FMN1: variants seen among roughly 807,000 people sequenced by gnomAD.
The protein encoded by FMN1 is formin 1, also known as formin-1.
FMN1 carries 110 observed loss-of-function variants against 132.4 expected under a neutral mutation model. The observed-to-expected ratio is 0.83, with a 90% CI of 0.71 to 0.97. The LOEUF is 0.97. Ranked by LOEUF, FMN1 falls within the 50% of genes least tolerant of loss-of-function variation. The probability of loss-of-function intolerance (pLI) is 0.00; values close to 1 mark genes in which losing one functional copy is unlikely to be tolerated. For missense variants in FMN1, 1,792 were observed against 1,705.3 expected, an observed-to-expected ratio of 1.05 and a Z score of -0.90; for synonymous variants, 722 against 651.7, an observed-to-expected ratio of 1.11 and a Z score of -1.64.
At chr15:32,899,349 C>T (rs2141585555) in intron 14 of FMN1, among the ~76,000 whole-genome samples, 1 of 152,322 alleles carries the variant, frequency 6.6e-6, no homozygotes, top group South Asian at 2.1e-4. Flanking sequence ...CCCCGGGAGG[C>T]CAGTGGGGAG....
chr15:32,863,921 A>C (rs1361032910), intron 16 of FMN1, among the ~76,000 whole-genome samples: 1 of 152,264 alleles, frequency 6.6e-6, no homozygotes, highest in East Asian at 1.9e-4. Flanking sequence ...CTAAGGAATT[A>C]CATGAAATGC....
intron 9 of FMN1, among the ~76,000 whole-genome samples, chr15:32,963,620 T>A (rs960327406): frequency 6.6e-6 from 1 of 152,188 alleles, no homozygotes; most frequent in Non-Finnish European, 1.5e-5. Flanking sequence ...CTGGAACAAA[T>A]GCCTAGCATG....
chr15:32,910,936 AAG>A (rs574626080), intron 10 of FMN1, among the ~76,000 whole-genome samples: 11 of 152,368 alleles, frequency 7.2e-5, no homozygotes, highest in Admixed American at 6.5e-4. Context: ...ACCAGAAAGA[AAG>A]AGAGAAAAAA....
At chr15:32,791,866 T>C (rs1045633388) in intron 19 of FMN1, among the ~76,000 whole-genome samples, 9 of 152,118 alleles carry the variant, frequency 5.9e-5, no homozygotes, top group Non-Finnish European at 1.5e-5. Context: ...CGAGACATAT[T>C]GAATTGCAGA....
chr15:32,955,973 C>T (rs886385889), intron 9 of FMN1, among the ~76,000 whole-genome samples: 2 of 152,094 alleles, frequency 1.3e-5, no homozygotes, highest in African/African-American at 4.8e-5. Context: ...TTTTTTTCTG[C>T]TAATACCTTC....
chr15:33,045,156 GT>G lies in FMN1; in HGVS notation c.2161+19800del, dbSNP rs1437314785. On this transcript the variant is annotated intron_variant, in intron 6 of 20. Transcript: ENST00000616417. ...CTGATGCCAGCCGTGGAAGCTGCTTGTGGTACATAGTCCAGCCATAGCCTCG... is the reference window on the plus strand; with the variant it reads ...CTGATGCCAGCCGTGGAAGCTGCTTGGGTACATAGTCCAGCCATAGCCTCG... Among the ~76,000 whole-genome samples the G allele has an allele frequency of 2.6e-5, 4 of 152,240 alleles. No individual in the cohort carries two copies. In the East Asian group the frequency reaches 7.7e-4, roughly 29 times the overall value.
At chr15:32,795,437 C>A (rs779224994) in intron 19 of FMN1, among the ~76,000 whole-genome samples, 1 of 152,026 alleles carries the variant, frequency 6.6e-6, no homozygotes, top group East Asian at 1.9e-4. Flanking sequence ...AAATTAGAAC[C>A]GCAGTTTCTA....
At chr15:33,125,159 G>C (rs183226963) in intron 4 of FMN1, among the ~76,000 whole-genome samples, 6 of 152,222 alleles carry the variant, frequency 3.9e-5, no homozygotes, top group Non-Finnish European at 5.9e-5. Flanking sequence ...TGCAGAGTTT[G>C]AATCCCTGAT....
intron 16 of FMN1, among the ~76,000 whole-genome samples, chr15:32,885,517 A>C (rs2059876125): frequency 6.6e-6 from 1 of 152,180 alleles, no homozygotes; most frequent in Non-Finnish European, 1.5e-5. Context: ...AGCACCACAA[A>C]CTTCAGCTTT....
intron 3 of FMN1, among the ~76,000 whole-genome samples, chr15:33,169,794 A>G (rs916967624): frequency 7.4e-6 from 1 of 135,552 alleles, no homozygotes; most frequent in Admixed American, 8.2e-5. Flanking sequence ...TGCAGTCAGC[A>G]TAAATTGCAA....
chr15:32,839,459 C>T (rs2141204812), intron 17 of FMN1, among the ~76,000 whole-genome samples: 1 of 152,148 alleles, frequency 6.6e-6, no homozygotes, highest in African/African-American at 2.4e-5. Context: ...GGACTGTAAA[C>T]AACTTGAGCA....
At chr15:33,057,355 A>G (rs1023372436) in intron 6 of FMN1, among the ~76,000 whole-genome samples, 1 of 152,204 alleles carries the variant, frequency 6.6e-6, no homozygotes, top group Admixed American at 6.5e-5. Context: ...GCTATAACTC[A>G]GAGCTATATA....
chr15:33,064,888 C>G, intron 6 of FMN1, 69 bp downstream of exon 6: 1 of 1,066,340 alleles, frequency 9.4e-7, no homozygotes, highest in East Asian at 2.5e-5. Context: ...TGAGAGTCAA[C>G]TAAGCTAGAA....
chr15:33,010,085 T>C (rs986622619), intron 6 of FMN1, among the ~76,000 whole-genome samples: 8 of 152,180 alleles, frequency 5.3e-5, no homozygotes, highest in Non-Finnish European at 1.2e-4. Flanking sequence ...GGTTTTACTA[T>C]GTTGGCCAGG....
intron 9 of FMN1, 121 bp from the exon 10 acceptor site, chr15:32,926,382 C>T (rs2060962078): frequency 5.4e-6 from 3 of 557,544 alleles, no homozygotes; most frequent in Admixed American, 3.8e-5. Flanking sequence ...ATTGATGCTG[C>T]ATGCACTCTT....
At chr15:33,171,964 C>T (rs925115288) in intron 3 of FMN1, among the ~76,000 whole-genome samples, 4 of 152,058 alleles carry the variant, frequency 2.6e-5, no homozygotes, top group Admixed American at 2.6e-4. Flanking sequence ...AATCCCAGCA[C>T]TTTGGGAGGC....
intron 6 of FMN1, among the ~76,000 whole-genome samples, chr15:33,030,219 G>T (rs1376468298): frequency 6.6e-6 from 1 of 152,148 alleles, no homozygotes; most frequent in Non-Finnish European, 1.5e-5. Context: ...GAATGTAGAT[G>T]CAGATAGTAT....
chr15:33,027,250 A>G (rs1167010360), intron 6 of FMN1, among the ~76,000 whole-genome samples: 1 of 152,212 alleles, frequency 6.6e-6, no homozygotes, highest in Non-Finnish European at 1.5e-5. Flanking sequence ...GATATGAGCT[A>G]TACCTATTTT....
rs71424680 is a variant in FMN1, at chr15:32,908,603, C to CAA, written c.3289-27_3289-26dup. 7,555 of 598,390 alleles carry CAA rather than the reference C, an allele frequency of 0.013. 33 individuals carry two copies. The highest frequency in any genetic ancestry group is 0.046 in the African/African-American group (1,824 of 39,508). 37.1% of individuals were successfully genotyped at this position (598,390 alleles called of 1,614,324 possible). ...TCTGTATCAAAATAGAAAACAAAAC[C>CAA]AAAAAAAAAAAAAAAAAAAAGGGAA... is the stretch of plus-strand genomic sequence containing the variant. On this transcript the variant is annotated intron_variant, in intron 11 of 20. Transcript: ENST00000616417.
Sources: allele counts gnomAD v4.1 joint callset (sites outside exome capture counted in the v4.1 genomes callset), GRCh38; gene constraint gnomAD v4.1.1; transcripts MANE v1.5; gene names NCBI Gene and HGNC (gene_info 2026-07-23, HGNC 2026-07-21).